PIWIL1: variants seen among roughly 807,000 people sequenced by gnomAD.
PIWIL1 encodes piwi like RNA-mediated gene silencing 1.
In PIWIL1, 73 loss-of-function variants were observed where a neutral mutation model predicts 114.4. The observed-to-expected ratio is 0.64, with a 90% CI of 0.53 to 0.78. PIWIL1 has a LOEUF of 0.78. PIWIL1 is among the 30% of genes least tolerant of loss of function. The pLI, the probability that PIWIL1 is intolerant of heterozygous loss-of-function variation, is 0.00. For synonymous variants in PIWIL1, 375 were observed against 369.0 expected (o/e 1.02, Z -0.19); for missense variants, 723 against 1,063.1 (o/e 0.68, Z 4.45).
chr12:130,406,975 G>A, the PIWIL1 span, among the ~76,000 whole-genome samples: 8 of 152,240 alleles, frequency 5.3e-5, no homozygotes, highest in Admixed American at 2.6e-4. Flanking sequence ...ACGATGGGCC[G>A]GGCTGCAGCC....
chr12:130,409,755 T>A, the PIWIL1 span, among the ~76,000 whole-genome samples: 40 of 152,182 alleles, frequency 2.6e-4, no homozygotes, highest in African/African-American at 8.7e-4. Context: ...TAGGCCCCAT[T>A]GTGTGGGGCG....
At chr12:130,420,548 A>G in the PIWIL1 span, among the ~76,000 whole-genome samples, 1 of 152,238 alleles carries the variant, frequency 6.6e-6, no homozygotes, top group Non-Finnish European at 1.5e-5. The surrounding 1 kb of genome is among the most constrained non-coding windows in gnomAD (Gnocchi z 4.3). Flanking sequence ...AAGGGTTTTT[A>G]TGATACTAAT....
At chr12:130,414,168 G>A in the PIWIL1 span, 5 of 1,614,224 alleles carry the variant, frequency 3.1e-6, no homozygotes, top group Non-Finnish European at 4.2e-6. Flanking sequence ...CTCCTCTGCA[G>A]CATCTGGGTT....
chr12:130,424,206 AT>A, the PIWIL1 span: 3 of 1,231,638 alleles, frequency 2.4e-6, no homozygotes, highest in African/African-American at 4.7e-5. The surrounding 1 kb of genome is among the most constrained non-coding windows in gnomAD (Gnocchi z 9.8). Flanking sequence ...ACTGTCGGGC[AT>A]GGTTATGCTT....
At chr12:130,379,012 C>T in the PIWIL1 span, among the ~76,000 whole-genome samples, 1 of 152,178 alleles carries the variant, frequency 6.6e-6, no homozygotes, top group East Asian at 1.9e-4. Context: ...TCCTACTCTT[C>T]GATGTGCTTC....
the PIWIL1 span, among the ~76,000 whole-genome samples, chr12:130,380,383 C>T: frequency 1.2e-4 from 19 of 152,140 alleles, no homozygotes; most frequent in Non-Finnish European, 2.6e-4. Flanking sequence ...TAATTTCAAA[C>T]TGGAAAAAAA....
At chr12:130,414,200 G>A in the PIWIL1 span, 57 of 1,614,188 alleles carry the variant, frequency 3.5e-5, no homozygotes, top group Admixed American at 4.0e-4. Flanking sequence ...TGAGCGGGTC[G>A]TAGTCAAAGA....
chr12:130,395,647 A>T, the PIWIL1 span, among the ~76,000 whole-genome samples: 1 of 152,246 alleles, frequency 6.6e-6, no homozygotes, highest in African/African-American at 2.4e-5. Context: ...GAGATAAATT[A>T]TAGGTTCATG....
chr12:130,366,649 T>C (rs948367799), intron 18 of PIWIL1: 7 of 152,764 alleles, frequency 4.6e-5, no homozygotes, highest in African/African-American at 1.2e-4. Context: ...CTGAAAAAGG[T>C]ATATGAATAT....
the PIWIL1 span, among the ~76,000 whole-genome samples, chr12:130,405,196 A>C: frequency 3.9e-4 from 60 of 152,192 alleles, 1 homozygote; most frequent in African/African-American, 1.4e-3. Flanking sequence ...AAAATGGAGA[A>C]GCAAACACAC....
the PIWIL1 span, among the ~76,000 whole-genome samples, chr12:130,400,884 A>G: frequency 6.6e-6 from 1 of 152,218 alleles, no homozygotes; most frequent in Non-Finnish European, 1.5e-5. Context: ...ACCATGTAGT[A>G]CCACCTCACA....
At chr12:130,360,979 G>T (rs909255728) in intron 14 of PIWIL1, among the ~76,000 whole-genome samples, 1 of 152,080 alleles carries the variant, frequency 6.6e-6, no homozygotes, top group South Asian at 2.1e-4. Flanking sequence ...TTTCCTTCAC[G>T]TGCAATTATC....
chr12:130,402,909 G>A, the PIWIL1 span, among the ~76,000 whole-genome samples: 6 of 152,296 alleles, frequency 3.9e-5, no homozygotes, highest in Non-Finnish European at 5.9e-5. Flanking sequence ...AACAGCACAC[G>A]CTTTAAAACA....
the PIWIL1 span, chr12:130,424,684 G>A: frequency 4.9e-6 from 6 of 1,231,856 alleles, no homozygotes; most frequent in Non-Finnish European, 6.1e-6. This position sits in a 1 kb window ranked among gnomAD's most constrained non-coding sequence, Gnocchi z 9.8. Context: ...TCTCTGGCCA[G>A]CCCCGTCCTG....
chr12:130,357,489 T>G lies in PIWIL1; in HGVS notation c.1601T>G (p.Val534Gly). The G allele has an allele frequency of 6.2e-7, 1 of 1,612,616 alleles. No homozygotes were observed. The highest frequency in any genetic ancestry group is 8.5e-7 in the Non-Finnish European group (1 of 1,178,730). The change falls in exon 14 of 21, where the codon GTG becomes GGG. Residue 534 changes from valine to glycine, a missense_variant. By Grantham distance (109) the Val-to-Gly change is moderately radical (BLOSUM62 -3). Coordinates refer to ENST00000245255, the MANE Select transcript of PIWIL1 (RefSeq NM_004764.5). Reference sequence around the variant, plus strand: ...GTGTACTTTCATTCTAGGATTGAAGTGGATGACAGAACTGAAGCCTACTTA... The same window carrying G: ...GTGTACTTTCATTCTAGGATTGAAGGGGATGACAGAACTGAAGCCTACTTA... Reference protein sequence around the residue: ...MQMRKAIMIEVDDRTEAYLRV... With the variant: ...MQMRKAIMIEGDDRTEAYLRV...
chr12:130,346,737 A>G (rs1243570787), intron 5 of PIWIL1, among the ~76,000 whole-genome samples, 153 bp downstream of exon 5: 2 of 152,180 alleles, frequency 1.3e-5, no homozygotes, highest in African/African-American at 4.8e-5. Context: ...TTATTGTAGC[A>G]TTGTCAGATT....
At chr12:130,424,098 T>C in the PIWIL1 span, 359 of 1,023,792 alleles carry the variant, frequency 3.5e-4, 2 homozygotes, top group African/African-American at 5.3e-3. The surrounding 1 kb of genome is among the most constrained non-coding windows in gnomAD (Gnocchi z 9.8). Flanking sequence ...ATGGGACAGA[T>C]TGGTTTGGCA....
chr12:130,352,505 C>T (rs537354681), intron 9 of PIWIL1, among the ~76,000 whole-genome samples: 2 of 152,184 alleles, frequency 1.3e-5, no homozygotes, highest in African/African-American at 2.4e-5. Context: ...ATGGTGAAAC[C>T]TCGTCTCTAC....
chr12:130,402,453 C>G, the PIWIL1 span, among the ~76,000 whole-genome samples: 1 of 152,116 alleles, frequency 6.6e-6, no homozygotes, highest in Admixed American at 6.5e-5. Flanking sequence ...GGCCATGTTT[C>G]CTGCCTGGAG....
Sources: allele counts gnomAD v4.1 joint callset (sites outside exome capture counted in the v4.1 genomes callset), GRCh38; gene constraint gnomAD v4.1.1; non-coding constraint Gnocchi (gnomAD v3.1); transcripts MANE v1.5; gene names NCBI Gene and HGNC (gene_info 2026-07-23, HGNC 2026-07-21).